Variants in GBF1 observed in about 807,000 individuals in gnomAD.
GBF1 encodes Golgi-specific brefeldin A-resistance guanine nucleotide exchange factor 1.
Under a neutral mutation model 210.5 loss-of-function variants are expected in GBF1, and 114 were observed. The ratio of observed to expected loss-of-function variants is 0.54; its 90% CI spans 0.47 to 0.63. GBF1 has a LOEUF of 0.63. GBF1 is among the 30% of genes least tolerant of loss of function. The pLI, the probability that GBF1 is intolerant of heterozygous loss-of-function variation, is 0.00. For synonymous variants in GBF1, 850 were observed against 889.2 expected (o/e 0.96, Z 0.78); for missense variants, 1,851 against 2,357.7 (o/e 0.79, Z 4.45).
chr10:102,230,810 C>T, the GBF1 span: 3 of 1,558,872 alleles, frequency 1.9e-6, no homozygotes, highest in Non-Finnish European at 2.6e-6. Flanking sequence ...GTGCCCGGGG[C>T]AGCCGCGGCG....
At chr10:102,337,012 A>T (rs2057794753) in intron 3 of GBF1, among the ~76,000 whole-genome samples, 1 of 152,114 alleles carries the variant, frequency 6.6e-6, no homozygotes, top group South Asian at 2.1e-4. Context: ...ATGTATGTTG[A>T]TTCTAGTAAT....
At chr10:102,349,818 T>C (rs2058821313) in intron 4 of GBF1, among the ~76,000 whole-genome samples, 1 of 152,196 alleles carries the variant, frequency 6.6e-6, no homozygotes, top group Non-Finnish European at 1.5e-5. Context: ...AATACATGAA[T>C]GGGAGCTGAG....
chr10:102,292,342 G>A (rs896034353), intron 3 of GBF1, among the ~76,000 whole-genome samples: 6 of 151,856 alleles, frequency 4.0e-5, no homozygotes, highest in South Asian at 2.1e-4. Context: ...TGGACCAAAC[G>A]ATCTCTCAAG....
rs547422097 is a variant in GBF1, at chr10:102,377,343, TTTTATTTA to T, written c.4494+223_4494+230del. 2.6e-4 allele frequency among the ~76,000 whole-genome samples: 18 copies of T among 70,168 alleles called. 1 individual carries two copies. The highest frequency in any genetic ancestry group is 5.9e-4 in the African/African-American group (16 of 27,174). 46.0% of individuals were successfully genotyped at this position (70,168 alleles called of 152,430 possible). On this transcript the variant is annotated intron_variant, in intron 33 of 39. Coordinates refer to ENST00000369983, the MANE Select transcript of GBF1 (RefSeq NM_001377137.1). ...AATTTATTTATTTATTTATTTTTAT[TTTTATTTA>T]TTTATTTATTTATTTATTTTTTGAG...
At chr10:102,326,580 T>G (rs2056920680) in intron 3 of GBF1, among the ~76,000 whole-genome samples, 1 of 152,202 alleles carries the variant, frequency 6.6e-6, no homozygotes, top group African/African-American at 2.4e-5. Context: ...AGGTGTTCAG[T>G]TGGTAAGTTT....
At chr10:102,282,428 G>A (rs868650486) in intron 3 of GBF1, among the ~76,000 whole-genome samples, 8 of 152,184 alleles carry the variant, frequency 5.3e-5, no homozygotes, top group Admixed American at 2.6e-4. Flanking sequence ...CTTTTCACGT[G>A]AATAAGGGCA....
At chr10:102,355,043 T>C (rs1332600545) in intron 8 of GBF1, among the ~76,000 whole-genome samples, 3 of 151,990 alleles carry the variant, frequency 2.0e-5, no homozygotes, top group Non-Finnish European at 4.4e-5. Context: ...TCTGTGAAGA[T>C]GCCCTCTGTC....
intron 3 of GBF1, among the ~76,000 whole-genome samples, chr10:102,267,121 C>T (rs990881906): frequency 6.6e-6 from 1 of 152,190 alleles, no homozygotes; most frequent in African/African-American, 2.4e-5. Flanking sequence ...ATGCCTGATA[C>T]CTCAAGTTTA....
At chr10:102,281,525 TATA>T (rs1454956981) in intron 3 of GBF1, among the ~76,000 whole-genome samples, 3 of 150,334 alleles carry the variant, frequency 2.0e-5, no homozygotes, top group Non-Finnish European at 4.4e-5. Flanking sequence ...GCACATAAAT[TATA>T]ATCTATAAAT....
At chr10:102,233,303 TC>T in the GBF1 span, among the ~76,000 whole-genome samples, 1 of 91,178 alleles carries the variant, frequency 1.1e-5, no homozygotes. Flanking sequence ...TTTTTTTCCT[TC>T]TTTTTTTTTT....
chr10:102,260,305 T>A (rs1372000085), intron 3 of GBF1, among the ~76,000 whole-genome samples, 189 bp downstream of exon 3: 1 of 151,980 alleles, frequency 6.6e-6, no homozygotes, highest in South Asian at 2.1e-4. Context: ...AATATATAAA[T>A]AAATGAGAAA....
intron 32 of GBF1, 51 bp from the exon 33 acceptor site, chr10:102,376,884 A>G (rs766488488): frequency 5.9e-5 from 95 of 1,599,376 alleles, no homozygotes; most frequent in Non-Finnish European, 7.7e-5. Flanking sequence ...AAGGCAGGGT[A>G]TCTATGCCTA....
intron 1 of GBF1, among the ~76,000 whole-genome samples, chr10:102,254,630 A>G (rs2072071818): frequency 6.6e-6 from 1 of 152,208 alleles, no homozygotes; most frequent in Non-Finnish European, 1.5e-5. Flanking sequence ...TTAAATGGAC[A>G]GTGGTTTCAA....
At chr10:102,310,903 C>A (rs944876845) in intron 3 of GBF1, among the ~76,000 whole-genome samples, 1 of 152,218 alleles carries the variant, frequency 6.6e-6, no homozygotes, top group African/African-American at 2.4e-5. Context: ...TGGACTTCAG[C>A]ATTCCTGGAG....
chr10:102,363,502 G>A lies in GBF1; in HGVS notation c.2017+106G>A. 1 of 1,092,784 alleles carries A rather than the reference G, an allele frequency of 9.2e-7. No individual in the cohort carries two copies. Among genetic ancestry groups the A allele is most frequent in the Non-Finnish European group, 1.3e-6 (1 of 744,084 alleles). 67.7% of individuals were successfully genotyped at this position (1,092,784 alleles called of 1,614,324 possible). On this transcript the variant is annotated intron_variant, in intron 16 of 39. Transcript: ENST00000369983. This position sits in a 1 kb window ranked among gnomAD's most constrained non-coding sequence, Gnocchi z 4.2. ...GATAGTAACTAAGCAAGCCTTGGTAGCCCGCCTCGCCTTCAGACTCAGAGA... is the reference window on the plus strand; with the variant it reads ...GATAGTAACTAAGCAAGCCTTGGTAACCCGCCTCGCCTTCAGACTCAGAGA...
intron 33 of GBF1, 52 bp downstream of exon 33, chr10:102,377,192 G>A (rs1367315131): frequency 6.8e-7 from 1 of 1,481,148 alleles, no homozygotes; most frequent in Non-Finnish European, 9.4e-7. Context: ...GATACTGGGA[G>A]CCTGGGGCGG....
intron 29 of GBF1, among the ~76,000 whole-genome samples, chr10:102,373,894 G>A (rs916064316): frequency 2.6e-5 from 4 of 152,156 alleles, no homozygotes; most frequent in Non-Finnish European, 2.9e-5. Flanking sequence ...CTTTCAATAG[G>A]TGAATAAACT....
chr10:102,242,901 A>T (rs1287526931), upstream of GBF1, among the ~76,000 whole-genome samples: 1 of 140,072 alleles, frequency 7.1e-6, no homozygotes, highest in Non-Finnish European at 1.5e-5. Context: ...TGCACTCCAG[A>T]CTGGGCGACA....
At chr10:102,342,327 G>T (rs1589704054) in intron 3 of GBF1, among the ~76,000 whole-genome samples, 1 of 151,820 alleles carries the variant, frequency 6.6e-6, no homozygotes, top group Admixed American at 6.6e-5. Flanking sequence ...ATGAGCCACC[G>T]TGCCCGGCCC....
Sources: gnomAD v4.1 joint callset for allele counts (sites outside exome capture counted in the v4.1 genomes callset) on GRCh38, gnomAD v4.1.1 for gene constraint, Gnocchi (gnomAD v3.1) non-coding constraint, MANE v1.5 for transcripts, NCBI Gene and HGNC (gene_info 2026-07-23, HGNC 2026-07-21) for gene names.